Variants in DLGAP1 observed in about 807,000 individuals in gnomAD.
The protein encoded by DLGAP1 is disks large-associated protein 1.
DLGAP1 carries 11 observed loss-of-function variants against 90.8 expected under a neutral mutation model. The observed-to-expected ratio is 0.12, with a 90% CI of 0.08 to 0.20. DLGAP1 has a LOEUF of 0.20. Among genes scored for constraint, DLGAP1 ranks in the 10% least tolerant of loss-of-function variants. The pLI, the probability that DLGAP1 is intolerant of heterozygous loss-of-function variation, is 1.00. For missense variants in DLGAP1, 1,050 were observed against 1,333.8 expected (o/e 0.79, Z 3.31); for synonymous variants, 558 against 540.7 (o/e 1.03, Z -0.44).
intron 1 of DLGAP1, among the ~76,000 whole-genome samples, chr18:4,304,729 G>C (rs11660568): frequency 0.077 from 11,713 of 152,042 alleles, 627 homozygotes; most frequent in Non-Finnish European, 0.1. Context: ...TCAGGAGTTC[G>C]AGACCAGCCT....
chr18:4,142,684 T>C (rs1388923681), intron 2 of DLGAP1, among the ~76,000 whole-genome samples: 2 of 152,206 alleles, frequency 1.3e-5, no homozygotes, highest in Non-Finnish European at 2.9e-5. Flanking sequence ...AATATTAAAA[T>C]AGAAAAATAG....
chr18:3,823,389 C>A (rs1245865466), intron 4 of DLGAP1, among the ~76,000 whole-genome samples: 1 of 152,190 alleles, frequency 6.6e-6, no homozygotes, highest in African/African-American at 2.4e-5. Context: ...ACATCTAATA[C>A]ACAAACATAA....
At chr18:4,279,536 T>C (rs1303593921) in intron 1 of DLGAP1, among the ~76,000 whole-genome samples, 2 of 152,188 alleles carry the variant, frequency 1.3e-5, no homozygotes, top group Non-Finnish European at 2.9e-5. Flanking sequence ...GTGCCTGATG[T>C]GTAAGATTCA....
intron 1 of DLGAP1, among the ~76,000 whole-genome samples, chr18:4,376,149 C>T (rs766477045): frequency 2.6e-5 from 4 of 152,102 alleles, no homozygotes; most frequent in Non-Finnish European, 5.9e-5. Context: ...TAATGCTTGG[C>T]ATCTATAAAG....
At chr18:4,117,315 G>T (rs1007744621) in intron 2 of DLGAP1, among the ~76,000 whole-genome samples, 2 of 152,152 alleles carry the variant, frequency 1.3e-5, no homozygotes, top group African/African-American at 4.8e-5. Context: ...ATTAATACAG[G>T]GTCACATTTT....
At chr18:3,873,607 C>T (rs548419101) in intron 4 of DLGAP1, among the ~76,000 whole-genome samples, 1 of 152,008 alleles carries the variant, frequency 6.6e-6, no homozygotes, top group East Asian at 1.9e-4. Context: ...GAAAACTCAG[C>T]CAGGGAAAGA....
At chr18:4,259,371 A>C (rs2078960577) in intron 1 of DLGAP1, among the ~76,000 whole-genome samples, 1 of 152,240 alleles carries the variant, frequency 6.6e-6, no homozygotes, top group Admixed American at 6.5e-5. Context: ...GTCATTTAGA[A>C]GACAGTGAAT....
chr18:4,197,001 C>T (rs1465884272), intron 1 of DLGAP1, among the ~76,000 whole-genome samples: 1 of 151,502 alleles, frequency 6.6e-6, no homozygotes, highest in Non-Finnish European at 1.5e-5. Flanking sequence ...GGTGAAACCC[C>T]ACCTCTATTT....
intron 1 of DLGAP1, among the ~76,000 whole-genome samples, chr18:4,217,171 G>C (rs76064475): frequency 6.6e-6 from 1 of 151,958 alleles, no homozygotes; most frequent in Non-Finnish European, 1.5e-5. Context: ...TCACTTAGCC[G>C]TATGTATGTA....
At chr18:4,065,804 A>C (rs2143376826) in intron 2 of DLGAP1, among the ~76,000 whole-genome samples, 1 of 152,082 alleles carries the variant, frequency 6.6e-6, no homozygotes, top group Admixed American at 6.6e-5. Context: ...CATTCTTTGC[A>C]GAACTAGAAA....
chr18:3,836,059 C>T (rs1013443159), intron 4 of DLGAP1, among the ~76,000 whole-genome samples: 3 of 152,140 alleles, frequency 2.0e-5, no homozygotes, highest in African/African-American at 4.8e-5. Flanking sequence ...TGCTGTCATA[C>T]GATTCCACAG....
intron 2 of DLGAP1, among the ~76,000 whole-genome samples, chr18:4,071,586 C>A (rs1157335449): frequency 6.6e-6 from 1 of 150,922 alleles, no homozygotes; most frequent in African/African-American, 2.4e-5. Flanking sequence ...TCACCGCATT[C>A]TAAGGTAGAA....
At chr18:4,356,872 C>T (rs192438845) in intron 1 of DLGAP1, among the ~76,000 whole-genome samples, 3 of 152,288 alleles carry the variant, frequency 2.0e-5, no homozygotes, top group Admixed American at 6.5e-5. Flanking sequence ...CACTGGCCCC[C>T]TTGGTCTTTC....
chr18:3,908,637 A>G (rs1270012142), intron 3 of DLGAP1, among the ~76,000 whole-genome samples: 2 of 152,146 alleles, frequency 1.3e-5, no homozygotes, highest in Non-Finnish European at 2.9e-5. Flanking sequence ...TTTATCTGCC[A>G]CTCTTAAGAA....
At chr18:4,105,823 G>A (rs1051063847) in intron 2 of DLGAP1, among the ~76,000 whole-genome samples, 1 of 152,078 alleles carries the variant, frequency 6.6e-6, no homozygotes, top group South Asian at 2.1e-4. Flanking sequence ...GAGGTCAGGA[G>A]ATCGAGACCA....
intron 3 of DLGAP1, among the ~76,000 whole-genome samples, chr18:3,931,541 G>A (rs1171969987): frequency 6.6e-6 from 1 of 152,166 alleles, no homozygotes; most frequent in Non-Finnish European, 1.5e-5. Context: ...GATAAGGTAG[G>A]ACATGAGAGT....
chr18:3,898,015 CG>C (rs2071687548), intron 3 of DLGAP1, among the ~76,000 whole-genome samples: 1 of 151,824 alleles, frequency 6.6e-6, no homozygotes, highest in Non-Finnish European at 1.5e-5. Flanking sequence ...AGGATGGTCT[CG>C]ATCTCCTGAC....
At chr18:3,699,409 G>C (rs552870036) in intron 7 of DLGAP1, among the ~76,000 whole-genome samples, 12 of 152,124 alleles carry the variant, frequency 7.9e-5, no homozygotes, top group Non-Finnish European at 1.6e-4. Context: ...TCTGCTGTAG[G>C]TCTGCTGGAG....
intron 8 of DLGAP1, among the ~76,000 whole-genome samples, chr18:3,574,827 T>TTATTC (rs2055018632): frequency 1.4e-5 from 2 of 146,212 alleles, no homozygotes. Flanking sequence ...TTATTTTATT[T>TTATTC]ATTTTGAGAC....
Sources: gnomAD v4.1 joint callset for allele counts (sites outside exome capture counted in the v4.1 genomes callset) on GRCh38, gnomAD v4.1.1 for gene constraint, MANE v1.5 for transcripts, NCBI Gene and HGNC (gene_info 2026-07-23, HGNC 2026-07-21) for gene names.